The following HDAC4 variants were observed in gnomAD, a reference collection of about 807,000 sequenced individuals.
HDAC4 encodes the protein histone deacetylase A.
A neutral mutation model predicts 135.1 loss-of-function variants in HDAC4; 16 were observed. The observed-to-expected ratio is 0.12, with a 90% CI of 0.08 to 0.18. The LOEUF (loss-of-function observed/expected upper bound fraction) is 0.18, where lower values mean the gene tolerates loss of function less well. HDAC4 is among the 10% of genes least tolerant of loss of function. HDAC4 has a pLI of 1.00. For missense variants in HDAC4, 1,143 were observed against 1,511.8 expected, an observed-to-expected ratio of 0.76 and a Z score of 4.05; for synonymous variants, 685 against 653.4, an observed-to-expected ratio of 1.05 and a Z score of -0.74.
At chr2:239,254,254 G>C (rs2048937393) in intron 2 of HDAC4, among the ~76,000 whole-genome samples, 3 of 152,110 alleles carry the variant, frequency 2.0e-5, no homozygotes, top group African/African-American at 2.4e-5. Flanking sequence ...GGAAGGGAGG[G>C]AGGAAAGTCC....
intron 2 of HDAC4, among the ~76,000 whole-genome samples, chr2:239,301,773 T>G (rs530508422): frequency 4.9e-4 from 75 of 152,288 alleles, no homozygotes; most frequent in African/African-American, 1.7e-3. Context: ...TGAGAGCCAC[T>G]GTAGGCCTAT....
intron 3 of HDAC4, among the ~76,000 whole-genome samples, chr2:239,195,670 C>G (rs527966639): frequency 6.6e-6 from 1 of 152,224 alleles, no homozygotes; most frequent in South Asian, 2.1e-4. Flanking sequence ...ACCTTCTCTC[C>G]TTAAAGAATG....
chr2:239,112,546 C>A (rs2038771281), intron 13 of HDAC4, among the ~76,000 whole-genome samples: 1 of 152,174 alleles, frequency 6.6e-6, no homozygotes, highest in Non-Finnish European at 1.5e-5. Flanking sequence ...CTGGGCTGGG[C>A]TCTGTGTGTG....
chr2:239,111,806 C>T (rs2038699657), intron 13 of HDAC4, 94 bp from the exon 14 acceptor site: 3 of 1,184,922 alleles, frequency 2.5e-6, no homozygotes, highest in Non-Finnish European at 3.7e-6. Flanking sequence ...AGTCTCCCGT[C>T]CACGCACAGG....
intron 5 of HDAC4, among the ~76,000 whole-genome samples, chr2:239,175,138 T>C (rs1335649660): frequency 3.9e-5 from 6 of 152,208 alleles, no homozygotes; most frequent in East Asian, 1.9e-4. Flanking sequence ...TAACTGAGCA[T>C]GTAAGTCCTG....
Position 239,189,838 on chromosome 2 carries a change from T to A in HDAC4, c.334A>T (p.Ile112Phe). The A allele has an allele frequency of 6.2e-7, 1 of 1,606,462 alleles. No homozygotes were observed. The highest frequency in any genetic ancestry group is 8.5e-7 in the Non-Finnish European group (1 of 1,179,644). ...AGCCCCGCACCGCGCCTCACCTTGATGTGCTCGTGGAGCTGCGCCTCGTGC... is the reference window on the plus strand; with the variant it reads ...AGCCCCGCACCGCGCCTCACCTTGAAGTGCTCGTGGAGCTGCGCCTCGTGC... ...RQHEAQLHEHIKQQQEMLAMK... is the reference protein window; with the variant it reads ...RQHEAQLHEHFKQQQEMLAMK... The change falls in exon 4 of 27, where the codon ATC becomes TTC. Residue 112 changes from isoleucine to phenylalanine, a missense_variant. Transcript: ENST00000543185.
intron 5 of HDAC4, among the ~76,000 whole-genome samples, chr2:239,175,602 A>G (rs910789403): frequency 6.6e-6 from 1 of 152,186 alleles, no homozygotes; most frequent in Non-Finnish European, 1.5e-5. Context: ...AGAAGGCAAA[A>G]TTCAGAGTGG....
Position 239,282,102 on chromosome 2 carries a change from C to T in HDAC4, c.23-45438G>A, listed in dbSNP as rs571066193. 2.0e-5 allele frequency among the ~76,000 whole-genome samples: 3 copies of T among 150,642 alleles called. No homozygotes were observed. The East Asian group carries it at 6.0e-4, about 30-fold the overall frequency. On this transcript the variant is annotated intron_variant, in intron 2 of 26. Coordinates refer to ENST00000543185, the MANE Select transcript of HDAC4 (RefSeq NM_001378414.1). ...TATACACCACTCTACAATGAACACC[C>T]CACTCTACACACCACTCTACAATGT...
At chr2:239,204,653 A>G (rs1484817207) in intron 3 of HDAC4, among the ~76,000 whole-genome samples, 1 of 152,182 alleles carries the variant, frequency 6.6e-6, no homozygotes, top group Non-Finnish European at 1.5e-5. Context: ...GGAAGGGCTT[A>G]GGGATGGACC....
chr2:239,378,281 G>A (rs544364774), intron 1 of HDAC4, among the ~76,000 whole-genome samples: 1 of 152,178 alleles, frequency 6.6e-6, no homozygotes, highest in East Asian at 1.9e-4. Flanking sequence ...AAGTCCAGCG[G>A]TGACCAGGGT....
intron 21 of HDAC4, 30 bp downstream of exon 21, chr2:239,082,072 C>T: frequency 6.2e-7 from 1 of 1,612,868 alleles, no homozygotes. Context: ...TCCCCCTTTC[C>T]CCCCAGAGGC....
chr2:239,389,439 A>G (rs1696050128), intron 1 of HDAC4, among the ~76,000 whole-genome samples: 1 of 152,180 alleles, frequency 6.6e-6, no homozygotes, highest in South Asian at 2.1e-4. Flanking sequence ...AACCCCGGAC[A>G]CATCTGAAGG....
In HDAC4 at chr2:239,262,725, G is replaced by T. The variant is rs1335952352; in HGVS notation, c.23-26061C>A. Among the ~76,000 whole-genome samples the T allele has an allele frequency of 6.6e-6, 1 of 152,192 alleles. No homozygotes were observed. The highest frequency in any genetic ancestry group is 1.5e-5 in the Non-Finnish European group (1 of 68,042). ...GGGTGCACACGGCTGAAGGCGCAAC[G>T]GGCACAGGGCATTCTGTGGGCCACG... On this transcript the variant is annotated intron_variant, in intron 2 of 26. Coordinates refer to ENST00000543185, the MANE Select transcript of HDAC4 (RefSeq NM_001378414.1). The surrounding 1 kb of genome is among the most constrained non-coding windows in gnomAD (Gnocchi z 4.1).
intron 21 of HDAC4, among the ~76,000 whole-genome samples, chr2:239,081,422 T>C (rs887573239): frequency 9.8e-5 from 15 of 152,330 alleles, no homozygotes; most frequent in Non-Finnish European, 1.6e-4. Context: ...TGCTGTAGGC[T>C]CTCGCCGACC....
intron 2 of HDAC4, among the ~76,000 whole-genome samples, chr2:239,282,136 T>G (rs1306609326): frequency 7.1e-6 from 1 of 141,488 alleles, no homozygotes; most frequent in East Asian, 2.3e-4. Context: ...GTACACACCA[T>G]GCTACAATGA....
At chr2:239,065,023 C>T (rs981598611) in intron 24 of HDAC4, among the ~76,000 whole-genome samples, 9 of 152,226 alleles carry the variant, frequency 5.9e-5, no homozygotes, top group African/African-American at 9.6e-5. Context: ...TGCGGCCTGA[C>T]GTTTCCCCAC....
chr2:239,141,436 C>T lies in HDAC4; in HGVS notation c.866-1640G>A, dbSNP rs1488255298. On this transcript the variant is annotated intron_variant, in intron 8 of 26. Coordinates refer to ENST00000543185, the MANE Select transcript of HDAC4 (RefSeq NM_001378414.1). The surrounding 1 kb of genome is among the most constrained non-coding windows in gnomAD (Gnocchi z 4.9). Reference sequence around the variant, plus strand: ...CCATCCTCTTTCTTTCCCTGGCCCTCTCACCCTCTCACTTCCACCAGACAC... The same window carrying T: ...CCATCCTCTTTCTTTCCCTGGCCCTTTCACCCTCTCACTTCCACCAGACAC... Among the ~76,000 whole-genome samples, 1 of 152,196 alleles carries T rather than the reference C, an allele frequency of 6.6e-6. No individual in the cohort carries two copies. Among genetic ancestry groups the T allele is most frequent in the East Asian group, 1.9e-4 (1 of 5,190 alleles).
chr2:239,262,973 G>T lies in HDAC4; in HGVS notation c.23-26309C>A, dbSNP rs1444178551. On this transcript the variant is annotated intron_variant, in intron 2 of 26. Coordinates refer to ENST00000543185, the MANE Select transcript of HDAC4 (RefSeq NM_001378414.1). The surrounding 1 kb of genome is among the most constrained non-coding windows in gnomAD (Gnocchi z 4.1). Reference sequence around the variant, plus strand: ...GAAAGATCTACGCGTGAAGCCCCCGGGAAGCCAAGCCCCAGGAAGGGCCCA... The same window carrying T: ...GAAAGATCTACGCGTGAAGCCCCCGTGAAGCCAAGCCCCAGGAAGGGCCCA... Among the ~76,000 whole-genome samples, 1 of 151,950 alleles carries T rather than the reference G, an allele frequency of 6.6e-6. No homozygotes were observed. Among genetic ancestry groups the T allele is most frequent in the Non-Finnish European group, 1.5e-5 (1 of 68,018 alleles).
At chr2:239,395,986 G>T (rs566075410) in intron 1 of HDAC4, among the ~76,000 whole-genome samples, 5 of 152,018 alleles carry the variant, frequency 3.3e-5, no homozygotes, top group Admixed American at 2.6e-4. Flanking sequence ...AAACTTTTTT[G>T]GGGGGGACAG....
Sources: gnomAD v4.1 joint callset for allele counts (sites outside exome capture counted in the v4.1 genomes callset) on GRCh38, gnomAD v4.1.1 for gene constraint, Gnocchi (gnomAD v3.1) non-coding constraint, MANE v1.5 for transcripts, NCBI Gene and HGNC (gene_info 2026-07-23, HGNC 2026-07-21) for gene names.